The following TRIO variants were observed in gnomAD, a reference collection of about 807,000 sequenced individuals.
The protein encoded by TRIO is triple functional domain protein.
Under a neutral mutation model 351.9 loss-of-function variants are expected in TRIO, and 58 were observed. The observed-to-expected ratio is 0.16, with a 90% CI of 0.13 to 0.21. The LOEUF (loss-of-function observed/expected upper bound fraction) is 0.21. Among genes scored for constraint, TRIO ranks in the 10% least tolerant of loss-of-function variants. The pLI, the probability that TRIO is intolerant of heterozygous loss-of-function variation, is 1.00. For synonymous variants in TRIO, 1,758 were observed against 1,595.7 expected, an observed-to-expected ratio of 1.10 and a Z score of -2.42; for missense variants, 3,201 against 4,027.8, an observed-to-expected ratio of 0.79 and a Z score of 5.56.
intron 21 of TRIO, among the ~76,000 whole-genome samples, chr5:14,385,506 G>A (rs1198489998): frequency 6.6e-6 from 1 of 152,210 alleles, no homozygotes; most frequent in Non-Finnish European, 1.5e-5. Context: ...ACAGAGCAGT[G>A]TGTGTTGTAT....
At chr5:14,366,547 G>C (rs1432282289) in intron 15 of TRIO, among the ~76,000 whole-genome samples, 2 of 152,174 alleles carry the variant, frequency 1.3e-5, no homozygotes, top group Non-Finnish European at 2.9e-5. Flanking sequence ...GGTGTCAGTA[G>C]GTTTTCTAAA....
chr5:14,393,783 G>A (rs892216230), intron 27 of TRIO, among the ~76,000 whole-genome samples: 1 of 152,160 alleles, frequency 6.6e-6, no homozygotes, highest in Non-Finnish European at 1.5e-5. Context: ...GCAAATCATG[G>A]CATTAAAAGT....
At chr5:14,194,357 CGT>C (rs1398594335) in intron 1 of TRIO, among the ~76,000 whole-genome samples, 2 of 152,168 alleles carry the variant, frequency 1.3e-5, no homozygotes, top group East Asian at 1.9e-4. Flanking sequence ...ACATAAGGCT[CGT>C]ATTATGTGAT....
intron 49 of TRIO, among the ~76,000 whole-genome samples, chr5:14,495,162 G>T (rs1213199635): frequency 6.6e-6 from 1 of 152,174 alleles, no homozygotes; most frequent in Admixed American, 6.5e-5. Context: ...TAACTCAGAT[G>T]TGGCAGAAAC....
At chr5:14,163,732 C>A (rs961214109) in intron 1 of TRIO, among the ~76,000 whole-genome samples, 1 of 152,218 alleles carries the variant, frequency 6.6e-6, no homozygotes, top group African/African-American at 2.4e-5. Context: ...TTAACAAAAT[C>A]ATAATCCTGT....
intron 7 of TRIO, among the ~76,000 whole-genome samples, chr5:14,302,588 C>G (rs1046305880): frequency 6.6e-6 from 1 of 152,164 alleles, no homozygotes; most frequent in Non-Finnish European, 1.5e-5. Context: ...GGCTTCAAGC[C>G]GTAAGGTCTG....
In TRIO at chr5:14,290,728, T is replaced by G. The variant is rs773231295; in HGVS notation, c.553T>G (p.Ser185Ala). ...TTTTTCCCTTAAGACAAATATGGTC[T>G]CTTTAGAAGGCCTTACCAAAGTAGT... ...SKFEFETNMV[S>A]LEGLTKVVDP... Residue 185 changes from serine to alanine, a missense_variant, in exon 5 of 57, where the codon TCT (serine) becomes GCT (alanine). Coordinates refer to ENST00000344204, the MANE Select transcript of TRIO (RefSeq NM_007118.4). 1 of 1,601,712 alleles carries G rather than the reference T, an allele frequency of 6.2e-7. No individual in the cohort carries two copies. The highest frequency in any genetic ancestry group is 8.5e-7 in the Non-Finnish European group (1 of 1,172,720).
intron 26 of TRIO, 126 bp downstream of exon 26, chr5:14,390,426 G>C (rs549206318): frequency 4.7e-6 from 4 of 852,786 alleles, no homozygotes; most frequent in East Asian, 2.6e-5. Flanking sequence ...CGGAGAAATA[G>C]ACTTTACCTC....
At chr5:14,471,582 C>T in intron 38 of TRIO, 116 bp downstream of exon 38, 1 of 1,388,480 alleles carries the variant, frequency 7.2e-7, no homozygotes, top group Non-Finnish European at 9.8e-7. Context: ...GCTCCAGGGC[C>T]TCTCATTAAG....
At chr5:14,358,483 C>A in intron 12 of TRIO, 136 bp downstream of exon 12, 165 of 908,386 alleles carry the variant, frequency 1.8e-4, no homozygotes, top group Middle Eastern at 2.3e-4. Context: ...TCTGTGAAGG[C>A]AAAGGAGAGA....
chr5:14,276,109 G>C (rs930993282), intron 2 of TRIO, among the ~76,000 whole-genome samples: 9 of 151,296 alleles, frequency 5.9e-5, no homozygotes, highest in African/African-American at 2.2e-4. Context: ...CTCTTATCAA[G>C]TTGGGGATAT....
At chr5:14,392,933 G>T (rs1351145444) in intron 27 of TRIO, among the ~76,000 whole-genome samples, 1 of 152,026 alleles carries the variant, frequency 6.6e-6, no homozygotes, top group Non-Finnish European at 1.5e-5. Context: ...CTGTATCCCA[G>T]CTACTTGGGA....
chr5:14,440,022 G>A (rs1448635658), intron 34 of TRIO, among the ~76,000 whole-genome samples: 1 of 152,020 alleles, frequency 6.6e-6, no homozygotes, highest in Admixed American at 6.6e-5. Flanking sequence ...TGGAGGTGGG[G>A]ACAAAACCAA....
At chr5:14,269,060 A>T (rs551713250) in intron 1 of TRIO, among the ~76,000 whole-genome samples, 1 of 152,308 alleles carries the variant, frequency 6.6e-6, no homozygotes, top group African/African-American at 2.4e-5. Flanking sequence ...AGCATGGTGC[A>T]TTGGAAAGGA....
intron 34 of TRIO, among the ~76,000 whole-genome samples, chr5:14,446,933 G>A (rs1299260514): frequency 1.3e-5 from 2 of 152,130 alleles, no homozygotes; most frequent in African/African-American, 4.8e-5. Context: ...AACCTTTGCT[G>A]TAGACAGTGT....
At chr5:14,226,808 G>T (rs1358163630) in intron 1 of TRIO, among the ~76,000 whole-genome samples, 1 of 152,212 alleles carries the variant, frequency 6.6e-6, no homozygotes, top group African/African-American at 2.4e-5. Context: ...TCTTCCCAGG[G>T]TTCGGAGACG....
chr5:14,247,803 C>T (rs1229734215), intron 1 of TRIO, among the ~76,000 whole-genome samples: 1 of 152,096 alleles, frequency 6.6e-6, no homozygotes, highest in Non-Finnish European at 1.5e-5. Flanking sequence ...CACGGTGGCT[C>T]ACAGCTGTAA....
intron 1 of TRIO, among the ~76,000 whole-genome samples, chr5:14,185,762 A>C (rs1265556643): frequency 6.6e-6 from 1 of 152,172 alleles, no homozygotes; most frequent in Non-Finnish European, 1.5e-5. Flanking sequence ...TCTCATTTGT[A>C]AAGTGAAATG....
chr5:14,460,894 G>A (rs1428537387), intron 34 of TRIO, 125 bp from the exon 35 acceptor site: 5 of 1,172,186 alleles, frequency 4.3e-6, no homozygotes, highest in Non-Finnish European at 4.7e-6. Context: ...ACACCCCGTA[G>A]GCAAAGCCCG....
Sources: allele counts gnomAD v4.1 joint callset (sites outside exome capture counted in the v4.1 genomes callset), GRCh38; gene constraint gnomAD v4.1.1; transcripts MANE v1.5; gene names NCBI Gene and HGNC (gene_info 2026-07-23, HGNC 2026-07-21).